The following PDCD2L variants were observed in gnomAD, a reference collection of about 807,000 sequenced individuals.
PDCD2L encodes the protein uS5 assembly chaperone PDCD2L.
In PDCD2L, 44 loss-of-function variants were observed where a neutral mutation model predicts 40.4. The observed-to-expected ratio is 1.09, with a 90% CI of 0.86 to 1.40. The LOEUF (loss-of-function observed/expected upper bound fraction) is 1.40, where lower values mean the gene tolerates loss of function less well. Ranked by LOEUF, PDCD2L falls within the 40% of genes most tolerant of loss-of-function variation. PDCD2L has a pLI of 0.00. For synonymous variants in PDCD2L, 194 were observed against 174.6 expected (o/e 1.11, Z -0.88); for missense variants, 470 against 453.7 (o/e 1.04, Z -0.33).
intron 3 of PDCD2L, among the ~76,000 whole-genome samples, chr19:34,405,633 G>A (rs997729577): frequency 6.6e-6 from 1 of 151,248 alleles, no homozygotes; most frequent in African/African-American, 2.4e-5. Flanking sequence ...GGGCGCGGTG[G>A]CTTACGCCTG....
At chr19:34,404,611 G>T in intron 1 of PDCD2L, 38 bp from the exon 2 acceptor site, 1 of 1,600,906 alleles carries the variant, frequency 6.2e-7, no homozygotes. Context: ...GAGGTCCTGG[G>T]GGGAGTCGGG....
intron 5 of PDCD2L, among the ~76,000 whole-genome samples, chr19:34,417,845 T>A (rs1458349924): frequency 6.6e-6 from 1 of 152,160 alleles, no homozygotes; most frequent in Non-Finnish European, 1.5e-5. Flanking sequence ...AAATTGGGAA[T>A]TTTTCCTTAA....
chr19:34,420,280 G>A (rs962006414), intron 5 of PDCD2L, among the ~76,000 whole-genome samples: 13 of 150,988 alleles, frequency 8.6e-5, no homozygotes, highest in South Asian at 2.1e-4. Context: ...CCTGAGCCAC[G>A]GTACCCGGCC....
intron 4 of PDCD2L, among the ~76,000 whole-genome samples, 179 bp from the exon 5 acceptor site, chr19:34,413,558 C>G (rs537612528): frequency 6.7e-6 from 1 of 150,270 alleles, no homozygotes; most frequent in African/African-American, 2.4e-5. Flanking sequence ...AGGATGGTCT[C>G]GATCTCCTGA....
rs1469449203 is a variant in PDCD2L at position 34,404,937 on chromosome 19, G to T, written c.283G>T (p.Val95Leu). 10 of 1,614,052 alleles carry T rather than the reference G, an allele frequency of 6.2e-6. No individual in the cohort carries two copies. Among genetic ancestry groups the T allele is most frequent in the Non-Finnish European group, 8.5e-6 (10 of 1,180,038 alleles). The change falls in exon 3 of 7, where the codon GTG becomes TTG. Residue 95 changes from valine (V) to leucine (L), a missense_variant. Val to Leu is a conservative substitution (Grantham distance 32). Transcript: ENST00000246535. ...CSTGGARSWK[V>L]FRSQCLQVPE... ...TTTGTCTTCACCCCGAAGCTGGAAGGTGTTCCGCTCCCAGTGCCTGCAGGT... is the reference window on the plus strand; with the variant it reads ...TTTGTCTTCACCCCGAAGCTGGAAGTTGTTCCGCTCCCAGTGCCTGCAGGT...
chr19:34,409,121 C>T (rs1179984409), intron 3 of PDCD2L, 40 bp from the exon 4 acceptor site: 1 of 1,574,864 alleles, frequency 6.3e-7, no homozygotes, highest in Non-Finnish European at 8.7e-7. Flanking sequence ...AATAAACCTC[C>T]CAAATGTGCT....
At chr19:34,405,750 C>T (rs1482819400) in intron 3 of PDCD2L, among the ~76,000 whole-genome samples, 1 of 151,676 alleles carries the variant, frequency 6.6e-6, no homozygotes, top group Non-Finnish European at 1.5e-5. Flanking sequence ...AAAACAAAAA[C>T]AAAAAATTAG....
At chr19:34,411,638 A>G (rs1399515367) in intron 4 of PDCD2L, among the ~76,000 whole-genome samples, 1 of 152,012 alleles carries the variant, frequency 6.6e-6, no homozygotes, top group Admixed American at 6.6e-5. Flanking sequence ...GTGTGCCACC[A>G]AACTCAGCTA....
chr19:34,425,528 A>T (rs557506886), intron 6 of PDCD2L, among the ~76,000 whole-genome samples: 1 of 150,736 alleles, frequency 6.6e-6, no homozygotes, highest in African/African-American at 2.4e-5. Flanking sequence ...ATATATATAT[A>T]TTTTGTTTGT....
At chr19:34,422,654 T>G (rs2075157453) in intron 6 of PDCD2L, among the ~76,000 whole-genome samples, 1 of 152,056 alleles carries the variant, frequency 6.6e-6, no homozygotes. Context: ...TAGAACAAAT[T>G]TTTGTACAAA....
At chr19:34,404,877 G>T in intron 2 of PDCD2L, 53 bp from the exon 3 acceptor site, 2 of 1,610,806 alleles carry the variant, frequency 1.2e-6, no homozygotes, top group South Asian at 1.1e-5. Flanking sequence ...GGGGCGGGCC[G>T]GCGGGCTGGA....
rs562388066 is a variant in PDCD2L at position 34,414,734 on chromosome 19, C to T, written c.797+887C>T. ...CAAACTTCTGGGTTCAAGCCATCCA[C>T]CTGCCTTGGCTTCCCAGAGTTTGTT... is the stretch of plus-strand genomic sequence containing the variant. On this transcript the variant is annotated intron_variant, in intron 5 of 6. Transcript: ENST00000246535. 5.3e-5 allele frequency among the ~76,000 whole-genome samples: 8 copies of T among 152,094 alleles called. No homozygotes were observed. The East Asian group carries it at 1.4e-3, about 26-fold the overall frequency.
intron 5 of PDCD2L, among the ~76,000 whole-genome samples, chr19:34,417,115 A>AAAAAT (rs1385878339): frequency 1.3e-5 from 2 of 152,064 alleles, no homozygotes; most frequent in Non-Finnish European, 2.9e-5. Context: ...CTCTGTCTCA[A>AAAAAT]AAAATAAAAT....
intron 3 of PDCD2L, among the ~76,000 whole-genome samples, chr19:34,407,145 A>AT (rs958336617): frequency 0.014 from 1,862 of 134,284 alleles, 44 homozygotes; most frequent in African/African-American, 0.049. Context: ...CTCACTCCAG[A>AT]TTTTTTTTTT....
chr19:34,416,882 G>A lies in PDCD2L; in HGVS notation c.797+3035G>A, dbSNP rs545349087. ...AGTAATCCCAACACTTTGGGAGGCCGAGGCGGGTGGATCACGAGGTCAGTA... is the reference window on the plus strand; with the variant it reads ...AGTAATCCCAACACTTTGGGAGGCCAAGGCGGGTGGATCACGAGGTCAGTA... On this transcript the variant is annotated intron_variant, in intron 5 of 6. Transcript: ENST00000246535. Among the ~76,000 whole-genome samples the A allele has an allele frequency of 6.4e-4, 98 of 152,210 alleles. 2 individuals carry two copies. The South Asian group carries it at 0.017, about 26-fold the overall frequency.
At chr19:34,407,375 G>A (rs560376140) in intron 3 of PDCD2L, among the ~76,000 whole-genome samples, 2 of 151,742 alleles carry the variant, frequency 1.3e-5, no homozygotes, top group Non-Finnish European at 2.9e-5. Flanking sequence ...TCTTTACCTC[G>A]TGATCCACCC....
At position 34,404,966 on chromosome 19, in the gene PDCD2L, A is replaced by G. The variant is rs757021656; in HGVS notation, c.312A>G (p.Pro104=). The G allele has an allele frequency of 6.2e-7, 1 of 1,614,048 alleles. No individual in the cohort carries two copies. The highest frequency in any genetic ancestry group is 8.5e-7 in the Non-Finnish European group (1 of 1,179,974). The change falls in exon 3 of 7, where the codon CCA becomes CCG. Residue 104 remains proline (P), a synonymous_variant. Transcript: ENST00000246535. ...TCCGCTCCCAGTGCCTGCAGGTGCC[A>G]GAGAGAGAGGCGCAGGACGCTCAGG... The part of the protein sequence containing the change: ...KVFRSQCLQV[P]EREAQDAQKQ...
rs1403261953 is a variant in PDCD2L, at chr19:34,409,417, A to T, written c.593A>T (p.Tyr198Phe). Residue 198 changes from tyrosine to phenylalanine, a missense_variant, in exon 4 of 7, where the codon TAC (tyrosine) becomes TTC (phenylalanine). Transcript: ENST00000246535. ...ATCTGTGTTGCAGATGAGGATGATTACAGGGACTTTGTCAACCTGGATCAT... is the reference window on the plus strand; with the variant it reads ...ATCTGTGTTGCAGATGAGGATGATTTCAGGGACTTTGTCAACCTGGATCAT... ...YYICVADEDD[Y>F]RDFVNLDHAH... 6.2e-7 allele frequency: 1 copy of T among 1,614,168 alleles called. No homozygotes were observed. The highest frequency in any genetic ancestry group is 1.7e-5 in the Admixed American group (1 of 60,008).
At chr19:34,406,388 AT>A (rs1163012080) in intron 3 of PDCD2L, among the ~76,000 whole-genome samples, 2,451 of 141,318 alleles carry the variant, frequency 0.017, 26 homozygotes, top group Non-Finnish European at 0.027. Flanking sequence ...CAATACTCTT[AT>A]TTTTTTTTTT....
Sources: allele counts gnomAD v4.1 joint callset (sites outside exome capture counted in the v4.1 genomes callset), GRCh38; gene constraint gnomAD v4.1.1; transcripts MANE v1.5; gene names NCBI Gene and HGNC (gene_info 2026-07-23, HGNC 2026-07-21).